Variants in MYO16 observed in about 807,000 individuals in gnomAD.
MYO16 encodes the protein myosin XVI.
Under a neutral mutation model 205.3 loss-of-function variants are expected in MYO16, and 94 were observed. The observed-to-expected ratio is 0.46, with a 90% confidence interval of 0.39 to 0.54. The LOEUF (loss-of-function observed/expected upper bound fraction) is 0.54. Ranked by LOEUF, MYO16 falls within the 20% of genes least tolerant of loss-of-function variation. MYO16 has a pLI of 0.00. For synonymous variants in MYO16, 988 were observed against 954.0 expected, an observed-to-expected ratio of 1.04 and a Z score of -0.66; for missense variants, 2,315 against 2,387.5, an observed-to-expected ratio of 0.97 and a Z score of 0.63.
rs1594390177 is a variant in MYO16, at chr13:108,912,151, C to CTGTAATT, written c.1925+2002_1925+2003insGTAATTT. Among the ~76,000 whole-genome samples, 7 of 152,276 alleles carry CTGTAATT rather than the reference C, an allele frequency of 4.6e-5. No individual in the cohort carries two copies. In the East Asian group the frequency reaches 1.4e-3, roughly 29 times the overall value. ...CTGCTTGGAGAAATTACAGGACAAC[C>CTGTAATT]TCTGTCCCGCCACTGCTGTGAGGGG... On this transcript the variant is annotated intron_variant, in intron 16 of 34. Transcript: ENST00000457511.
the MYO16 span, among the ~76,000 whole-genome samples, chr13:108,548,372 G>A: frequency 2.0e-5 from 3 of 151,498 alleles, no homozygotes; most frequent in Non-Finnish European, 4.4e-5. Flanking sequence ...GATGGTGGTA[G>A]CAGTCGGTGG....
chr13:108,699,496 GA>G (rs1260735067), intron 2 of MYO16, among the ~76,000 whole-genome samples: 1 of 152,098 alleles, frequency 6.6e-6, no homozygotes, highest in Non-Finnish European at 1.5e-5. Flanking sequence ...GCATTATATA[GA>G]GAGAAAATAA....
chr13:108,557,725 A>G, the MYO16 span, among the ~76,000 whole-genome samples: 1 of 152,322 alleles, frequency 6.6e-6, no homozygotes, highest in South Asian at 2.1e-4. Context: ...AATTATATAA[A>G]TATAATGAAT....
At chr13:109,027,583 G>A (rs1886406407) in intron 23 of MYO16, among the ~76,000 whole-genome samples, 1 of 151,908 alleles carries the variant, frequency 6.6e-6, no homozygotes, top group Admixed American at 6.5e-5. Context: ...CAGCTGGCCA[G>A]GGTTTGATTT....
rs537096019 is a variant in MYO16, at chr13:109,187,756, T to C, written c.5415+8123T>C. Among the ~76,000 whole-genome samples, 207 of 152,314 alleles carry C rather than the reference T, an allele frequency of 1.4e-3. 2 individuals are homozygous for C. Among genetic ancestry groups the C allele is most frequent in the African/African-American group, 4.6e-3 (193 of 41,578 alleles). On this transcript the variant is annotated intron_variant, in intron 34 of 34. Coordinates refer to ENST00000457511, the MANE Select transcript of MYO16 (RefSeq NM_001198950.3). ...CAGTTCTCTTAAATGTACTAAAATG[T>C]TTTTATGGCCCAGGATATGACCTGT...
rs144937270 is a variant in MYO16 at position 108,776,848 on chromosome 13, C to A, written c.508-8787C>A. On this transcript the variant is annotated intron_variant, in intron 4 of 34. Transcript: ENST00000457511. ...AGGGCAAGCAGTTTCTCCAAGGTCA[C>A]GTGACTGTTAAGTTTTGAGCAGAGA... is the stretch of plus-strand genomic sequence containing the variant. Among the ~76,000 whole-genome samples the A allele has an allele frequency of 6.7e-4, 102 of 152,238 alleles. No individual in the cohort carries two copies. The East Asian group carries it at 0.018, about 27-fold the overall frequency.
At chr13:108,677,460 A>G (rs1341757109) in intron 2 of MYO16, among the ~76,000 whole-genome samples, 1 of 150,686 alleles carries the variant, frequency 6.6e-6, no homozygotes. Context: ...ACATGTACAT[A>G]TATGTACCTA....
At chr13:108,665,832 C>A in intron 1 of MYO16, 54 bp from the exon 2 acceptor site, 2 of 1,562,238 alleles carry the variant, frequency 1.3e-6, no homozygotes, top group Non-Finnish European at 8.7e-7. Flanking sequence ...GTGGTGCACA[C>A]TTATAGTGGT....
intron 20 of MYO16, among the ~76,000 whole-genome samples, chr13:108,967,918 C>A (rs1364011506): frequency 1.3e-5 from 2 of 152,188 alleles, no homozygotes; most frequent in Non-Finnish European, 2.9e-5. Context: ...TGGAGAAACT[C>A]ATGTAAAAAC....
the MYO16 span, among the ~76,000 whole-genome samples, chr13:108,572,135 C>T: frequency 1.3e-5 from 2 of 152,012 alleles, no homozygotes; most frequent in African/African-American, 2.4e-5. Flanking sequence ...CTATGTTGCC[C>T]AGGCTGATCT....
intron 20 of MYO16, among the ~76,000 whole-genome samples, chr13:108,989,416 T>C (rs905049409): frequency 6.6e-6 from 1 of 152,148 alleles, no homozygotes; most frequent in East Asian, 1.9e-4. Flanking sequence ...AACAAAGCAA[T>C]ATCTCCATTT....
At chr13:108,538,321 A>T in the MYO16 span, among the ~76,000 whole-genome samples, 5 of 152,230 alleles carry the variant, frequency 3.3e-5, no homozygotes, top group African/African-American at 1.2e-4. Context: ...AGAGACTAGA[A>T]AGATCACTGA....
intron 2 of MYO16, among the ~76,000 whole-genome samples, chr13:108,695,375 T>C (rs1051037461): frequency 2.0e-5 from 3 of 152,180 alleles, no homozygotes; most frequent in African/African-American, 4.8e-5. Flanking sequence ...TTCCATTTCA[T>C]TGGTCTATAG....
chr13:108,665,554 A>C (rs1270917980), intron 1 of MYO16, among the ~76,000 whole-genome samples: 4 of 152,256 alleles, frequency 2.6e-5, no homozygotes, highest in Admixed American at 2.6e-4. Flanking sequence ...TTACTCAATT[A>C]GAAGGAACTT....
chr13:109,022,910 A>C (rs1042346556), intron 23 of MYO16, among the ~76,000 whole-genome samples: 1 of 135,468 alleles, frequency 7.4e-6, no homozygotes, highest in Admixed American at 7.9e-5. Context: ...AAATATATGT[A>C]TACATTTATA....
At chr13:109,023,049 GTA>G (rs1333405940) in intron 23 of MYO16, among the ~76,000 whole-genome samples, 1 of 131,966 alleles carries the variant, frequency 7.6e-6, no homozygotes, top group African/African-American at 2.8e-5. Flanking sequence ...ATACACACAT[GTA>G]AGTATATGTT....
At chr13:108,725,959 C>A (rs1216994360) in intron 3 of MYO16, among the ~76,000 whole-genome samples, 5 of 151,984 alleles carry the variant, frequency 3.3e-5, no homozygotes, top group Non-Finnish European at 7.4e-5. Context: ...TTTTGTTTTT[C>A]TTTTTTAGTT....
At chr13:109,095,593 A>G (rs1360348895) in intron 27 of MYO16, among the ~76,000 whole-genome samples, 3 of 152,214 alleles carry the variant, frequency 2.0e-5, no homozygotes, top group Admixed American at 6.5e-5. Context: ...AAAATATTTA[A>G]AATGAGAAAA....
intron 9 of MYO16, among the ~76,000 whole-genome samples, chr13:108,827,024 TCTC>T (rs1876309264): frequency 6.6e-6 from 1 of 152,066 alleles, no homozygotes; most frequent in Non-Finnish European, 1.5e-5. Context: ...CATAAATTCT[TCTC>T]CTAGGGGCAT....
Sources: gnomAD v4.1 joint callset for allele counts (sites outside exome capture counted in the v4.1 genomes callset) on GRCh38, gnomAD v4.1.1 for gene constraint, MANE v1.5 for transcripts, NCBI Gene and HGNC (gene_info 2026-07-23, HGNC 2026-07-21) for gene names.